The following FBXO15 variants were observed in gnomAD, a reference collection of about 807,000 sequenced individuals.
FBXO15 encodes the protein F-box protein 15.
FBXO15 carries 30 observed loss-of-function variants against 49.5 expected under a neutral mutation model. The ratio of observed to expected loss-of-function variants is 0.61; its 90% CI spans 0.45 to 0.82. The LOEUF (loss-of-function observed/expected upper bound fraction) is 0.82, where lower values mean the gene tolerates loss of function less well. Among genes scored for constraint, FBXO15 ranks in the 40% least tolerant of loss-of-function variants. The pLI, the probability that FBXO15 is intolerant of heterozygous loss-of-function variation, is 0.00. For synonymous variants in FBXO15, 250 were observed against 232.7 expected (o/e 1.07, Z -0.68); for missense variants, 591 against 631.5 (o/e 0.94, Z 0.69).
chr18:74,137,253 T>C (rs556168371), intron 2 of FBXO15, among the ~76,000 whole-genome samples: 1 of 152,152 alleles, frequency 6.6e-6, no homozygotes, highest in East Asian at 1.9e-4. Flanking sequence ...TGAGAAAAAG[T>C]CTCTAATGCT....
chr18:74,089,079 T>A (rs1912892063), intron 8 of FBXO15, among the ~76,000 whole-genome samples: 1 of 152,170 alleles, frequency 6.6e-6, no homozygotes, highest in Non-Finnish European at 1.5e-5. Context: ...AACCTATCAC[T>A]TAGGTATTAA....
chr18:74,117,223 C>T (rs1568171232), intron 8 of FBXO15, among the ~76,000 whole-genome samples: 3 of 152,122 alleles, frequency 2.0e-5, no homozygotes, highest in Admixed American at 6.5e-5. Flanking sequence ...ATATTTGAGT[C>T]CACCTTGGAA....
chr18:74,129,290 T>C, intron 5 of FBXO15, 115 bp downstream of exon 5: 1 of 841,304 alleles, frequency 1.2e-6, no homozygotes, highest in Non-Finnish European at 1.8e-6. Flanking sequence ...AATGTACATT[T>C]AATATGTGAT....
intron 8 of FBXO15, among the ~76,000 whole-genome samples, chr18:74,100,866 A>T (rs1194152178): frequency 6.6e-6 from 1 of 152,166 alleles, no homozygotes; most frequent in Non-Finnish European, 1.5e-5. Context: ...AGAAAGAATT[A>T]GATACTCTGA....
At chr18:74,086,044 T>G (rs1912722571) in intron 8 of FBXO15, among the ~76,000 whole-genome samples, 1 of 152,238 alleles carries the variant, frequency 6.6e-6, no homozygotes, top group East Asian at 1.9e-4. Context: ...TAATGAATTA[T>G]CTGCTTTGAC....
intron 8 of FBXO15, among the ~76,000 whole-genome samples, chr18:74,117,837 G>A (rs1914297404): frequency 6.6e-6 from 1 of 151,896 alleles, no homozygotes; most frequent in South Asian, 2.1e-4. Flanking sequence ...ATTAATCAAC[G>A]CTATGCTGTA....
intron 2 of FBXO15, 139 bp downstream of exon 2, chr18:74,140,063 C>G: frequency 1.8e-6 from 1 of 543,678 alleles, no homozygotes; most frequent in Non-Finnish European, 3.0e-6. Flanking sequence ...ATCAAATGCT[C>G]CATGCTGTAC....
chr18:74,076,669 G>C (rs911825304), intron 9 of FBXO15: 1 of 152,140 alleles, frequency 6.6e-6, no homozygotes, highest in Non-Finnish European at 1.5e-5. Context: ...CCACTCATTC[G>C]CCATATTCAG....
chr18:74,146,990 C>G (rs1266599434), intron 1 of FBXO15: 3 of 152,194 alleles, frequency 2.0e-5, no homozygotes, highest in Non-Finnish European at 4.4e-5. Context: ...GGGTACACAG[C>G]TAGGGAACAG....
intron 8 of FBXO15, among the ~76,000 whole-genome samples, chr18:74,110,159 G>T (rs1913950658): frequency 8.1e-6 from 1 of 124,170 alleles, no homozygotes; most frequent in African/African-American, 3.1e-5. Flanking sequence ...ATATACATAT[G>T]TGTGCATATA....
At chr18:74,112,134 TC>T (rs2145167763) in intron 8 of FBXO15, among the ~76,000 whole-genome samples, 1 of 152,298 alleles carries the variant, frequency 6.6e-6, no homozygotes, top group East Asian at 1.9e-4. Flanking sequence ...ATATCAATTC[TC>T]TAAAATCTCT....
intron 8 of FBXO15, among the ~76,000 whole-genome samples, chr18:74,093,271 G>GGT (rs1555676395): frequency 3.3e-5 from 5 of 150,438 alleles, no homozygotes; most frequent in African/African-American, 1.2e-4. Flanking sequence ...AATGGGGGGG[G>GGT]GGTGGCTGCA....
chr18:74,117,209 A>C (rs1914268774), intron 8 of FBXO15, among the ~76,000 whole-genome samples: 1 of 152,192 alleles, frequency 6.6e-6, no homozygotes, highest in South Asian at 2.1e-4. Context: ...TGGGAAGTAG[A>C]AATATATTTG....
intron 8 of FBXO15, among the ~76,000 whole-genome samples, chr18:74,087,568 A>G (rs1912800295): frequency 6.6e-6 from 1 of 152,238 alleles, no homozygotes; most frequent in East Asian, 1.9e-4. Flanking sequence ...ACATGGCTGC[A>G]TAATATTGCA....
At chr18:74,135,985 C>A in intron 2 of FBXO15, 119 bp from the exon 3 acceptor site, 1 of 696,292 alleles carries the variant, frequency 1.4e-6, no homozygotes, top group South Asian at 2.0e-5. Flanking sequence ...GAGACCCCTC[C>A]TGTACAAGAG....
chr18:74,114,440 T>C (rs1011216252), intron 8 of FBXO15, among the ~76,000 whole-genome samples: 2 of 152,182 alleles, frequency 1.3e-5, no homozygotes, highest in Non-Finnish European at 2.9e-5. Flanking sequence ...TGCAACTATA[T>C]CCTGAGTCCT....
chr18:74,119,380 T>C (rs1343673946), intron 8 of FBXO15, among the ~76,000 whole-genome samples: 2 of 152,222 alleles, frequency 1.3e-5, no homozygotes, highest in African/African-American at 2.4e-5. Context: ...AAGCCTACTA[T>C]GTGCCATGAC....
rs1379553521 is a variant in FBXO15, at chr18:74,074,641, T to C, written c.1264-911A>G. ...CCCAGTGTTTTCACCCTGCAAGCCA[T>C]GACCTATTAATGTATCCTGAAGTAA... On this transcript the variant is annotated intron_variant, in intron 9 of 9. Coordinates refer to ENST00000419743, the MANE Select transcript of FBXO15 (RefSeq NM_001142958.2). This position sits in a 1 kb window ranked among gnomAD's most constrained non-coding sequence, Gnocchi z 4.7. Among the ~76,000 whole-genome samples, 1 of 152,238 alleles carries C rather than the reference T, an allele frequency of 6.6e-6. No individual in the cohort carries two copies. Among genetic ancestry groups the C allele is most frequent in the Non-Finnish European group, 1.5e-5 (1 of 68,032 alleles).
At chr18:74,123,312 G>T in intron 8 of FBXO15, 56 bp downstream of exon 8, 1 of 1,560,380 alleles carries the variant, frequency 6.4e-7, no homozygotes, top group Admixed American at 1.9e-5. Flanking sequence ...ATCAAAATTG[G>T]TTCCCTCACC....
Sources: allele counts gnomAD v4.1 joint callset (sites outside exome capture counted in the v4.1 genomes callset), GRCh38; gene constraint gnomAD v4.1.1; non-coding constraint Gnocchi (gnomAD v3.1); transcripts MANE v1.5; gene names NCBI Gene and HGNC (gene_info 2026-07-23, HGNC 2026-07-21).